Variants in GIGYF2 observed in about 807,000 individuals in gnomAD.
The protein encoded by GIGYF2 is GRB10-interacting GYF protein 2.
GIGYF2 carries 25 observed loss-of-function variants against 208.1 expected under a neutral mutation model. That is an observed-to-expected ratio of 0.12 (90% confidence interval 0.09 to 0.17). The LOEUF (loss-of-function observed/expected upper bound fraction) is 0.17. Ranked by LOEUF, GIGYF2 falls within the 10% of genes least tolerant of loss-of-function variation. GIGYF2 has a pLI of 1.00. For synonymous variants in GIGYF2, 534 were observed against 543.8 expected, an observed-to-expected ratio of 0.98 and a Z score of 0.25; for missense variants, 1,302 against 1,579.4, an observed-to-expected ratio of 0.82 and a Z score of 2.98.
At chr2:232,808,911 A>G (rs944459555) in intron 15 of GIGYF2, among the ~76,000 whole-genome samples, 1 of 152,128 alleles carries the variant, frequency 6.6e-6, no homozygotes, top group African/African-American at 2.4e-5. Context: ...ATAGTTATCA[A>G]AGTTTATATA....
chr2:232,713,625 C>T (rs900806778), intron 2 of GIGYF2, among the ~76,000 whole-genome samples: 1 of 152,032 alleles, frequency 6.6e-6, no homozygotes, highest in Non-Finnish European at 1.5e-5. Flanking sequence ...TCCAGGATAC[C>T]ATGTTATACC....
chr2:232,858,651 C>G lies in GIGYF2; in HGVS notation c.*1791C>G, dbSNP rs904001276. ...TATCTGAGTGCACCTCTTGTACTCA[C>G]CTTTATGGAGGCTGAGTTCTGCACT... On this transcript the variant is annotated 3_prime_UTR_variant, in exon 29 of 29. Coordinates refer to ENST00000373563, the MANE Select transcript of GIGYF2 (RefSeq NM_001103146.3). The G allele has an allele frequency of 2.5e-5, 11 of 433,374 alleles. No homozygotes were observed. The highest frequency in any genetic ancestry group is 5.1e-5 in the Non-Finnish European group (11 of 217,588). The allele number at this position is 433,374 out of a possible 1,614,324, so 26.8% of individuals were successfully genotyped here.
intron 2 of GIGYF2, among the ~76,000 whole-genome samples, chr2:232,717,053 A>G (rs1024254264): frequency 5.3e-5 from 8 of 151,826 alleles, no homozygotes; most frequent in Admixed American, 1.3e-4. Context: ...GGCTCAAGCA[A>G]TCCAGCTGCC....
chr2:232,732,423 C>G (rs1330369163), intron 2 of GIGYF2, among the ~76,000 whole-genome samples: 8 of 151,802 alleles, frequency 5.3e-5, no homozygotes, highest in Admixed American at 3.9e-4. Flanking sequence ...TGCTTCTTTT[C>G]TGTTATACAA....
At chr2:232,747,109 T>C (rs1285250189) in intron 3 of GIGYF2, among the ~76,000 whole-genome samples, 1 of 152,222 alleles carries the variant, frequency 6.6e-6, no homozygotes, top group Non-Finnish European at 1.5e-5. Flanking sequence ...ATTTTAGCTA[T>C]TACCAAATTG....
chr2:232,775,123 G>A (rs1397057924), intron 8 of GIGYF2, among the ~76,000 whole-genome samples: 1 of 151,932 alleles, frequency 6.6e-6, no homozygotes, highest in African/African-American at 2.4e-5. Flanking sequence ...GGCAAGTGGA[G>A]TAATATAGAG....
In GIGYF2 at chr2:232,833,082, G is replaced by C; in HGVS notation, c.2755G>C (p.Ala919Pro). Residue 919 changes from alanine to proline, a missense_variant, in exon 22 of 29, where the codon GCG becomes CCG. Ala to Pro is a conservative substitution (Grantham distance 27, BLOSUM62 -1). Coordinates refer to ENST00000373563, the MANE Select transcript of GIGYF2 (RefSeq NM_001103146.3). ...GCAGCAGCAGCAGCAACAACAGCTG[G>C]CGCAGATGAAGGTAAAGCCCGAGGC... ...LQQQQQQQQL[A>P]QMKLPSSSTW... 3 of 1,551,446 alleles carry C rather than the reference G, an allele frequency of 1.9e-6. No individual in the cohort carries two copies. The highest frequency in any genetic ancestry group is 2.6e-6 in the Non-Finnish European group (3 of 1,146,748).
chr2:232,729,826 T>C, intron 2 of GIGYF2: 1 of 745,132 alleles, frequency 1.3e-6, no homozygotes, highest in South Asian at 1.4e-5. Flanking sequence ...CGATTCATAT[T>C]GTGGAAGGTG....
intron 5 of GIGYF2, 147 bp from the exon 6 acceptor site, chr2:232,756,076 T>C (rs922377134): frequency 1.8e-5 from 11 of 602,624 alleles, no homozygotes; most frequent in Middle Eastern, 4.4e-4. Flanking sequence ...TGTGCAGTTA[T>C]GGTTTTCCAT....
At chr2:232,761,076 T>C (rs1454605643) in intron 7 of GIGYF2, among the ~76,000 whole-genome samples, 4 of 152,144 alleles carry the variant, frequency 2.6e-5, no homozygotes, top group African/African-American at 9.7e-5. Flanking sequence ...AATATGAGCA[T>C]TAGAGGTGTT....
chr2:232,697,992 A>T (rs1053707798), intron 1 of GIGYF2, among the ~76,000 whole-genome samples: 1 of 152,188 alleles, frequency 6.6e-6, no homozygotes, highest in Non-Finnish European at 1.5e-5. Flanking sequence ...AGCCACCATG[A>T]TCGGAACCTT....
chr2:232,830,355 A>C (rs913946923), intron 21 of GIGYF2, among the ~76,000 whole-genome samples: 12 of 152,160 alleles, frequency 7.9e-5, no homozygotes, highest in African/African-American at 2.9e-4. Flanking sequence ...CATGTGTGAC[A>C]GTTGGTCCAA....
intron 14 of GIGYF2, among the ~76,000 whole-genome samples, chr2:232,796,715 C>T (rs1378020559): frequency 6.6e-6 from 1 of 152,086 alleles, no homozygotes; most frequent in Non-Finnish European, 1.5e-5. Flanking sequence ...AAAATTAGCT[C>T]TGGACATGGT....
chr2:232,765,220 TA>T (rs778391505), intron 8 of GIGYF2: 1 of 152,176 alleles, frequency 6.6e-6, no homozygotes, highest in Non-Finnish European at 1.5e-5. Context: ...TGTAGGTCTT[TA>T]AAAAACATTG....
chr2:232,756,980 A>G (rs1287852076), intron 6 of GIGYF2, among the ~76,000 whole-genome samples: 2 of 152,168 alleles, frequency 1.3e-5, no homozygotes, highest in African/African-American at 4.8e-5. Context: ...TTGCTTAATC[A>G]TGTAGCTCTT....
chr2:232,697,880 C>T (rs1432880587), intron 1 of GIGYF2, among the ~76,000 whole-genome samples: 1 of 152,206 alleles, frequency 6.6e-6, no homozygotes, highest in African/African-American at 2.4e-5. Flanking sequence ...CACACCTGGT[C>T]CCTGGGAGGT....
chr2:232,796,204 C>A lies in GIGYF2; in HGVS notation c.1622C>A (p.Pro541His). ...ATGCAGAAGTGGTATTACAAAGATCCTCAGGGAGAAATTCAAGGCAAGTTG... is the reference window on the plus strand; with the variant it reads ...ATGCAGAAGTGGTATTACAAAGATCATCAGGGAGAAATTCAAGGCAAGTTG... ...EAMQKWYYKD[P>H]QGEIQGPFNN... Residue 541 changes from proline (P) to histidine (H), a missense_variant, in exon 14 of 29, where the codon CCT becomes CAT. Pro to His is a moderately conservative substitution (Grantham distance 77, BLOSUM62 -2). Transcript: ENST00000373563. 1 of 1,603,784 alleles carries A rather than the reference C, an allele frequency of 6.2e-7. No homozygotes were observed. The highest frequency in any genetic ancestry group is 8.5e-7 in the Non-Finnish European group (1 of 1,170,576).
intron 8 of GIGYF2, among the ~76,000 whole-genome samples, chr2:232,776,040 T>C (rs737028): frequency 0.32 from 48,961 of 152,016 alleles, 8,242 homozygotes; most frequent in South Asian, 0.62. Flanking sequence ...TCTTCTTAGA[T>C]TACAGAAGTA....
chr2:232,711,693 C>G (rs1374592041), intron 2 of GIGYF2, among the ~76,000 whole-genome samples: 1 of 76,554 alleles, frequency 1.3e-5, no homozygotes, highest in Middle Eastern at 7.6e-3. Context: ...GGAAAATTAT[C>G]CTCACAATGA....
Sources: gnomAD v4.1 joint callset for allele counts (sites outside exome capture counted in the v4.1 genomes callset) on GRCh38, gnomAD v4.1.1 for gene constraint, MANE v1.5 for transcripts, NCBI Gene and HGNC (gene_info 2026-07-23, HGNC 2026-07-21) for gene names.